Variants in GBE1 observed in about 807,000 individuals in gnomAD.
GBE1 encodes 1,4-alpha-glucan branching enzyme 1.
GBE1 carries 70 observed loss-of-function variants against 88.8 expected under a neutral mutation model. The ratio of observed to expected loss-of-function variants is 0.79; its 90% CI spans 0.65 to 0.96. The LOEUF (loss-of-function observed/expected upper bound fraction) is 0.96, where lower values mean the gene tolerates loss of function less well. Among genes scored for constraint, GBE1 ranks in the 40% least tolerant of loss-of-function variants. The pLI, the probability that GBE1 is intolerant of heterozygous loss-of-function variation, is 0.00. For missense variants in GBE1, 872 were observed against 871.0 expected, an observed-to-expected ratio of 1.00 and a Z score of -0.01; for synonymous variants, 284 against 300.1, an observed-to-expected ratio of 0.95 and a Z score of 0.56.
chr3:81,500,476 C>T (rs1164561625), intron 14 of GBE1, among the ~76,000 whole-genome samples: 1 of 152,086 alleles, frequency 6.6e-6, no homozygotes, highest in Non-Finnish European at 1.5e-5. Flanking sequence ...AATACTTTGA[C>T]AAATCTTCCA....
chr3:81,495,266 G>C (rs1353299425), intron 15 of GBE1, among the ~76,000 whole-genome samples: 1 of 152,156 alleles, frequency 6.6e-6, no homozygotes, highest in Non-Finnish European at 1.5e-5. Flanking sequence ...GTGTGCGGCT[G>C]TAATCCCAGC....
At chr3:81,524,428 A>C (rs944506613) in intron 14 of GBE1, among the ~76,000 whole-genome samples, 18 of 151,748 alleles carry the variant, frequency 1.2e-4, no homozygotes. Flanking sequence ...TTTTCCCATA[A>C]TGTGGATTGT....
intron 2 of GBE1, among the ~76,000 whole-genome samples, chr3:81,699,390 A>AGAC (rs1280653493): frequency 6.6e-6 from 1 of 152,192 alleles, no homozygotes. Flanking sequence ...TACACTGTAT[A>AGAC]CCACAAAGAT....
intron 14 of GBE1, among the ~76,000 whole-genome samples, chr3:81,508,340 A>C (rs953010858): frequency 4.6e-5 from 7 of 152,140 alleles, no homozygotes; most frequent in Non-Finnish European, 7.4e-5. Context: ...ATGTGCTCAC[A>C]CTTCTGCACT....
chr3:81,701,165 T>C lies in GBE1; in HGVS notation c.313+4279A>G, dbSNP rs551712651. ...CATCTCAGCCCTTTAAACTAGTTTCTAGTTTAACCAGAAAGACTTTTTCAG... is the reference window on the plus strand; with the variant it reads ...CATCTCAGCCCTTTAAACTAGTTTCCAGTTTAACCAGAAAGACTTTTTCAG... On this transcript the variant is annotated intron_variant, in intron 2 of 15. Transcript: ENST00000429644. 4.4e-4 allele frequency among the ~76,000 whole-genome samples: 67 copies of C among 152,284 alleles called. No individual in the cohort carries two copies. In the South Asian group the frequency reaches 8.9e-3, roughly 20 times the overall value.
chr3:81,615,031 A>G (rs1255413360), intron 7 of GBE1, among the ~76,000 whole-genome samples: 1 of 152,176 alleles, frequency 6.6e-6, no homozygotes, highest in Non-Finnish European at 1.5e-5. Flanking sequence ...TCAAAAAAAA[A>G]AAAAAGTTTT....
chr3:81,710,232 C>G (rs369261418), intron 1 of GBE1, among the ~76,000 whole-genome samples: 1 of 93,206 alleles, frequency 1.1e-5, no homozygotes, highest in Admixed American at 1.4e-4. Flanking sequence ...GGTAATTAAT[C>G]TTTTTTTTTT....
At chr3:81,591,606 C>A (rs1461461323) in intron 8 of GBE1, among the ~76,000 whole-genome samples, 1 of 152,070 alleles carries the variant, frequency 6.6e-6, no homozygotes, top group Non-Finnish European at 1.5e-5. Flanking sequence ...TATATTATTT[C>A]AAACACACAC....
At chr3:81,533,093 G>A (rs570042264) in intron 14 of GBE1, among the ~76,000 whole-genome samples, 120 of 152,108 alleles carry the variant, frequency 7.9e-4, no homozygotes, top group Admixed American at 3.5e-3. Flanking sequence ...CAAGGAAAGC[G>A]CTGCAAAGAT....
intron 7 of GBE1, among the ~76,000 whole-genome samples, chr3:81,620,214 G>A (rs916056004): frequency 3.6e-4 from 53 of 147,978 alleles, no homozygotes; most frequent in Non-Finnish European, 6.2e-4. Flanking sequence ...ATGGAGTCTC[G>A]CACTGTCATC....
chr3:81,567,297 T>C (rs1703507451), intron 12 of GBE1, among the ~76,000 whole-genome samples: 1 of 152,230 alleles, frequency 6.6e-6, no homozygotes, highest in Admixed American at 6.5e-5. Flanking sequence ...CTTCTCAGTC[T>C]GCTTTTATGC....
rs937947677 is a variant in GBE1 at position 81,549,862 on chromosome 3, G to T, written c.1619-12767C>A. On this transcript the variant is annotated intron_variant, in intron 12 of 15. Transcript: ENST00000429644. ...TAGTAAAAATGGGAAACTGGAGAGA[G>T]AAATTAAGTTTCAAGAACTATAGTA... Among the ~76,000 whole-genome samples, 8 of 151,444 alleles carry T rather than the reference G, an allele frequency of 5.3e-5. 1 individual carries two copies. The highest frequency in any genetic ancestry group is 1.2e-4 in the Non-Finnish European group (8 of 67,648).
intron 12 of GBE1, among the ~76,000 whole-genome samples, chr3:81,554,307 A>T (rs1355833947): frequency 1.3e-5 from 2 of 152,272 alleles, no homozygotes; most frequent in African/African-American, 4.8e-5. Context: ...AATGTTTTGC[A>T]TGTGAATAAG....
At chr3:81,604,987 C>T (rs1238507136) in intron 7 of GBE1, among the ~76,000 whole-genome samples, 1 of 151,988 alleles carries the variant, frequency 6.6e-6, no homozygotes, top group Admixed American at 6.6e-5. Context: ...CAAACATATG[C>T]CTCAATTTTT....
intron 3 of GBE1, among the ~76,000 whole-genome samples, chr3:81,652,738 A>C (rs1704868964): frequency 6.6e-6 from 1 of 152,166 alleles, no homozygotes; most frequent in South Asian, 2.1e-4. Flanking sequence ...TTCTGTTTCT[A>C]AATTCTTGTA....
At chr3:81,559,109 T>A (rs766942154) in intron 12 of GBE1, among the ~76,000 whole-genome samples, 6 of 152,036 alleles carry the variant, frequency 3.9e-5, no homozygotes, top group Non-Finnish European at 7.4e-5. Context: ...TTTTAGCTAC[T>A]CGAGAAGTAT....
rs867336128 is a variant in GBE1, at chr3:81,628,761, A to G, written c.992+14020T>C. On this transcript the variant is annotated intron_variant, in intron 7 of 15. Transcript: ENST00000429644. ...CAATTGCATATATATATATATATAT[A>G]TATATATATATATATATATATAGCA... Among the ~76,000 whole-genome samples, 562 of 121,436 alleles carry G rather than the reference A, an allele frequency of 4.6e-3. 12 individuals are homozygous for G. Among genetic ancestry groups the G allele is most frequent in the African/African-American group, 0.012 (382 of 30,674 alleles). 79.7% of individuals were successfully genotyped at this position (121,436 alleles called of 152,430 possible). A position where few individuals can be genotyped will look rare whatever the true frequency, so the allele number is the denominator to read the frequency against.
chr3:81,606,516 G>T (rs1232310924), intron 7 of GBE1, among the ~76,000 whole-genome samples: 1 of 152,222 alleles, frequency 6.6e-6, no homozygotes, highest in African/African-American at 2.4e-5. Flanking sequence ...CCACAGTCCT[G>T]GTTACAGGTC....
intron 12 of GBE1, among the ~76,000 whole-genome samples, chr3:81,552,520 TAAAAAAA>T (rs58899195): frequency 1.8e-5 from 1 of 55,826 alleles, no homozygotes; most frequent in Non-Finnish European, 3.4e-5. Context: ...CTATCTTATA[TAAAAAAA>T]AAAAAAAAAA....
Sources: gnomAD v4.1 joint callset for allele counts (sites outside exome capture counted in the v4.1 genomes callset) on GRCh38, gnomAD v4.1.1 for gene constraint, MANE v1.5 for transcripts, NCBI Gene and HGNC (gene_info 2026-07-23, HGNC 2026-07-21) for gene names.